C12orf42: variants seen among roughly 807,000 people sequenced by gnomAD.
The protein encoded by C12orf42 is chromosome 12 open reading frame 42.
A neutral mutation model predicts 21.6 loss-of-function variants in C12orf42; 25 were observed. That is an observed-to-expected ratio of 1.16 (90% CI 0.84 to 1.62). The LOEUF (loss-of-function observed/expected upper bound fraction) is 1.62, where lower values mean the gene tolerates loss of function less well. C12orf42 is among the 40% of genes most tolerant of loss of function. The pLI, the probability that C12orf42 is intolerant of heterozygous loss-of-function variation, is 0.00. For missense variants in C12orf42, 483 were observed against 459.3 expected, an observed-to-expected ratio of 1.05 and a Z score of -0.47; for synonymous variants, 174 against 175.0, an observed-to-expected ratio of 0.99 and a Z score of 0.05.
rs149439415 is a variant in C12orf42, at chr12:103,451,321, G to A, written c.78+27028C>T. 8.6e-3 allele frequency among the ~76,000 whole-genome samples: 1,308 copies of A among 151,990 alleles called. 14 individuals carry two copies. Among genetic ancestry groups the A allele is most frequent in the Non-Finnish European group, 8.3e-3 (562 of 67,960 alleles). On this transcript the variant is annotated intron_variant, in intron 2 of 5. Transcript: ENST00000548883. ...AGCTCACTACAGCCTCAACCTCCTA[G>A]CCTCAAGCAATGCTCCCACCTCAGC...
At chr12:103,158,381 G>A in the C12orf42 span, among the ~76,000 whole-genome samples, 3 of 152,130 alleles carry the variant, frequency 2.0e-5, no homozygotes, top group Admixed American at 6.5e-5. Context: ...CTTCTGCGCT[G>A]ACCACTCAGC....
chr12:103,343,553 C>A (rs1000191030), intron 4 of C12orf42, among the ~76,000 whole-genome samples: 6 of 151,846 alleles, frequency 4.0e-5, no homozygotes, highest in African/African-American at 1.5e-4. Context: ...CCGAGGCGGG[C>A]GGATCACCTG....
intron 2 of C12orf42, among the ~76,000 whole-genome samples, chr12:103,404,815 G>T (rs766849780): frequency 1.5e-4 from 23 of 152,212 alleles, no homozygotes; most frequent in Non-Finnish European, 2.8e-4. Flanking sequence ...GGGAAAAAAA[G>T]CCTTTTGTAA....
chr12:103,184,721 C>A, the C12orf42 span, among the ~76,000 whole-genome samples: 6 of 115,914 alleles, frequency 5.2e-5, no homozygotes, highest in Non-Finnish European at 9.6e-5. Flanking sequence ...ACCCCCCCCC[C>A]CCCAAATATA....
chr12:103,457,870 G>A (rs1482026415), intron 2 of C12orf42, among the ~76,000 whole-genome samples: 1 of 151,896 alleles, frequency 6.6e-6, no homozygotes, highest in Non-Finnish European at 1.5e-5. Context: ...ACTTCACATT[G>A]GACTAAAAAA....
intron 3 of C12orf42, among the ~76,000 whole-genome samples, chr12:103,388,743 C>G (rs1326166995): frequency 2.6e-5 from 4 of 152,182 alleles, no homozygotes; most frequent in African/African-American, 9.7e-5. Context: ...ATTGTATTCT[C>G]TCTGGCCCAG....
intron 10 of C12orf42, among the ~76,000 whole-genome samples, chr12:103,249,267 C>T (rs1352194349): frequency 1.3e-5 from 2 of 152,000 alleles, no homozygotes; most frequent in African/African-American, 4.8e-5. Flanking sequence ...CTCACAACAA[C>T]CCTTGAAGTT....
the C12orf42 span, among the ~76,000 whole-genome samples, chr12:103,187,971 T>C: frequency 6.6e-6 from 1 of 152,210 alleles, no homozygotes; most frequent in South Asian, 2.1e-4. Context: ...GAATAGTAAA[T>C]GTGTACTGCT....
At chr12:103,440,508 C>CT (rs934231818) in intron 2 of C12orf42, among the ~76,000 whole-genome samples, 4 of 125,588 alleles carry the variant, frequency 3.2e-5, no homozygotes, top group African/African-American at 1.2e-4. Flanking sequence ...CAAGTGGGTA[C>CT]TTCACCATAG....
At chr12:103,229,062 A>G in the C12orf42 span, among the ~76,000 whole-genome samples, 3 of 152,138 alleles carry the variant, frequency 2.0e-5, no homozygotes, top group African/African-American at 7.2e-5. Flanking sequence ...AGTGTATAAA[A>G]ATTATTACTC....
chr12:103,051,710 T>C, the C12orf42 span, among the ~76,000 whole-genome samples: 1 of 152,174 alleles, frequency 6.6e-6, no homozygotes, highest in Non-Finnish European at 1.5e-5. Flanking sequence ...GTGTAAGCCC[T>C]TGAACCCACT....
chr12:103,413,726 G>A (rs1245850533), intron 2 of C12orf42, among the ~76,000 whole-genome samples: 4 of 151,990 alleles, frequency 2.6e-5, no homozygotes, highest in Admixed American at 2.0e-4. Context: ...ATGAGAACAT[G>A]GGATGTTTGG....
intron 2 of C12orf42, among the ~76,000 whole-genome samples, chr12:103,438,669 A>G (rs1202781046): frequency 6.6e-6 from 1 of 152,104 alleles, no homozygotes; most frequent in Non-Finnish European, 1.5e-5. Flanking sequence ...TGCTTCAAAG[A>G]GAATAAAATA....
chr12:103,368,282 T>C (rs200710339), intron 4 of C12orf42, among the ~76,000 whole-genome samples: 2 of 119,938 alleles, frequency 1.7e-5, no homozygotes, highest in African/African-American at 3.9e-5. Context: ...TTCTCTCTCT[T>C]TATCTGCCTT....
chr12:103,446,611 G>A (rs1488922920), intron 2 of C12orf42, among the ~76,000 whole-genome samples: 1 of 151,960 alleles, frequency 6.6e-6, no homozygotes. Context: ...CTGTCTTCAG[G>A]AGACTCAACT....
intron 5 of C12orf42, chr12:103,273,885 T>G (rs1299370273): frequency 2.2e-6 from 1 of 456,230 alleles, no homozygotes; most frequent in South Asian, 1.5e-5. Flanking sequence ...CTATTTTACC[T>G]AGAAAGCCAA....
intron 4 of C12orf42, among the ~76,000 whole-genome samples, chr12:103,322,997 T>A (rs1314354306): frequency 2.6e-5 from 4 of 152,222 alleles, no homozygotes; most frequent in Admixed American, 1.3e-4. Flanking sequence ...ATTTGTTCCA[T>A]TCTGCAGATG....
chr12:103,497,496 A>T (rs1430425185), upstream of C12orf42, among the ~76,000 whole-genome samples: 1 of 152,202 alleles, frequency 6.6e-6, no homozygotes, highest in Non-Finnish European at 1.5e-5. Flanking sequence ...GTGGCTATGG[A>T]TACCCAGTGC....
the C12orf42 span, among the ~76,000 whole-genome samples, chr12:103,170,217 A>G: frequency 1.3e-5 from 2 of 152,062 alleles, no homozygotes; most frequent in Non-Finnish European, 2.9e-5. Flanking sequence ...TTTCTTCTCT[A>G]TGTACAATTA....
Sources: allele counts gnomAD v4.1 joint callset (sites outside exome capture counted in the v4.1 genomes callset), GRCh38; gene constraint gnomAD v4.1.1; transcripts MANE v1.5; gene names NCBI Gene and HGNC (gene_info 2026-07-23, HGNC 2026-07-21).